KCNQ4: variants seen among roughly 807,000 people sequenced by gnomAD.
KCNQ4 encodes the protein potassium voltage-gated channel subfamily KQT member 4.
Under a neutral mutation model 72.6 loss-of-function variants are expected in KCNQ4, and 31 were observed. The observed-to-expected ratio is 0.43, with a 90% CI of 0.32 to 0.58. The LOEUF (loss-of-function observed/expected upper bound fraction) is 0.58, where lower values mean the gene tolerates loss of function less well. KCNQ4 is among the 20% of genes least tolerant of loss of function. KCNQ4 has a pLI of 0.08. For missense variants in KCNQ4, 869 were observed against 962.6 expected, an observed-to-expected ratio of 0.90 and a Z score of 1.29; for synonymous variants, 405 against 403.7, an observed-to-expected ratio of 1.00 and a Z score of -0.04.
At chr1:40,838,208 C>T in intron 13 of KCNQ4, 103 bp from the exon 14 acceptor site, 1 of 987,502 alleles carries the variant, frequency 1.0e-6, no homozygotes, top group East Asian at 2.5e-5. Context: ...AGATAAGCCC[C>T]GCCCACTCCA....
At chr1:40,820,087 AGGATGG>A in intron 6 of KCNQ4, 72 bp from the exon 7 acceptor site, 1 of 1,526,496 alleles carries the variant, frequency 6.6e-7, no homozygotes. Context: ...CAGAGGGGCA[AGGATGG>A]GGACACCCTT....
chr1:40,790,541 A>T (rs76356035), intron 1 of KCNQ4, among the ~76,000 whole-genome samples: 1 of 151,982 alleles, frequency 6.6e-6, no homozygotes, highest in Non-Finnish European at 1.5e-5. Flanking sequence ...TCTGACTTAC[A>T]TTCTCTCGTG....
chr1:40,832,646 A>T (rs1336789634), intron 10 of KCNQ4, among the ~76,000 whole-genome samples: 1 of 152,232 alleles, frequency 6.6e-6, no homozygotes, highest in Non-Finnish European at 1.5e-5. Context: ...GATTACATGC[A>T]GTGCCATCAA....
At chr1:40,786,683 T>C (rs1051212134) in intron 1 of KCNQ4, among the ~76,000 whole-genome samples, 1 of 152,166 alleles carries the variant, frequency 6.6e-6, no homozygotes, top group African/African-American at 2.4e-5. Context: ...TCTCTGAGCT[T>C]TAGGTCTGTA....
Position 40,818,661 on chromosome 1 carries a change from T to A in KCNQ4, c.689T>A (p.Val230Glu), listed in dbSNP as rs797044965. ...GGCACCTGGAAGCTGCTGGGCTCAG[T>A]GGTCTACGCGCATAGCAAGGTGAGG... The part of the protein sequence containing the change: ...RGGTWKLLGS[V>E]VYAHSKELIT... Residue 230 changes from valine to glutamate, a missense_variant, in exon 4 of 14, where the codon GTG (valine) becomes GAG (glutamate). Physicochemically the swap from Val to Glu is moderately radical, Grantham distance 121. Around this residue, in one of 5 missense-constraint regions of KCNQ4, gnomAD observed 179 missense variants for 243.0 expected, o/e 0.74. Transcript: ENST00000347132. The A allele has an allele frequency of 1.2e-6, 2 of 1,604,554 alleles. No homozygotes were observed. The highest frequency in any genetic ancestry group is 1.7e-6 in the Non-Finnish European group (2 of 1,178,644).
chr1:40,795,307 G>C (rs968587860), intron 1 of KCNQ4, among the ~76,000 whole-genome samples: 2 of 143,898 alleles, frequency 1.4e-5, no homozygotes, highest in Non-Finnish European at 3.0e-5. Flanking sequence ...TTTCACCCAG[G>C]CTGGAAGGCA....
intron 1 of KCNQ4, among the ~76,000 whole-genome samples, chr1:40,803,107 G>A (rs1429438175): frequency 6.6e-6 from 1 of 152,174 alleles, no homozygotes; most frequent in Non-Finnish European, 1.5e-5. Flanking sequence ...GGTTTTGGAG[G>A]TAGAAGGAGG....
intron 1 of KCNQ4, among the ~76,000 whole-genome samples, chr1:40,810,639 C>T (rs1293329310): frequency 1.3e-5 from 2 of 152,018 alleles, no homozygotes; most frequent in African/African-American, 4.8e-5. Context: ...TTGGACATGT[C>T]GAGAGAGAGA....
chr1:40,811,675 T>G (rs1269021586), intron 1 of KCNQ4, among the ~76,000 whole-genome samples: 1 of 152,118 alleles, frequency 6.6e-6, no homozygotes, highest in Non-Finnish European at 1.5e-5. Flanking sequence ...AGAGGAAAGG[T>G]TGGATAAGCC....
rs1377326667 is a variant in KCNQ4, at chr1:40,831,183, C to G, written c.1392C>G (p.Ser464=). The G allele has an allele frequency of 6.2e-7, 1 of 1,611,234 alleles. No homozygotes were observed. Among genetic ancestry groups the G allele is most frequent in the Non-Finnish European group, 8.5e-7 (1 of 1,178,854 alleles). The change falls in exon 10 of 14, where the codon TCC becomes TCG. Residue 464 remains serine, a synonymous_variant. Coordinates refer to ENST00000347132, the MANE Select transcript of KCNQ4 (RefSeq NM_004700.4). ...QHLAPPTMPT[S]PSSEQVGEAT... is the part of the protein sequence containing the mutation. Reference sequence around the variant, plus strand: ...TGGCACCTCCAACAATGCCCACCTCCCCAAGCAGCGAGCAGGTGGGTGAGG... The same window carrying G: ...TGGCACCTCCAACAATGCCCACCTCGCCAAGCAGCGAGCAGGTGGGTGAGG...
At chr1:40,789,194 C>T (rs1233968038) in intron 1 of KCNQ4, among the ~76,000 whole-genome samples, 1 of 152,154 alleles carries the variant, frequency 6.6e-6, no homozygotes, top group Non-Finnish European at 1.5e-5. Context: ...GGCGTTTGCT[C>T]CTCCTGGGGG....
rs190480893 is a variant in KCNQ4, at chr1:40,828,362, C to T, written c.1293-2722C>T. ...ACATTAGATAATTCTTTGTGGATTGCGACTATCACATGCATGGTAGGATGT... is the reference window on the plus strand; with the variant it reads ...ACATTAGATAATTCTTTGTGGATTGTGACTATCACATGCATGGTAGGATGT... On this transcript the variant is annotated intron_variant, in intron 9 of 13. Coordinates refer to ENST00000347132, the MANE Select transcript of KCNQ4 (RefSeq NM_004700.4). 1.5e-3 allele frequency among the ~76,000 whole-genome samples: 234 copies of T among 152,244 alleles called. 2 individuals are homozygous for T. Among genetic ancestry groups the T allele is most frequent in the African/African-American group, 4.9e-3 (205 of 41,532 alleles).
At chr1:40,832,943 A>G (rs1339489874) in intron 10 of KCNQ4, 71 bp from the exon 11 acceptor site, 8 of 1,116,474 alleles carry the variant, frequency 7.2e-6, no homozygotes, top group Admixed American at 3.4e-5. Flanking sequence ...GTGGTTTGGC[A>G]TACAAGGGTC....
In KCNQ4 at chr1:40,835,009, A is replaced by G. The variant is rs767862664; in HGVS notation, c.1656A>G (p.Thr552=). The G allele has an allele frequency of 2.8e-5, 45 of 1,613,966 alleles. No individual in the cohort carries two copies. Among genetic ancestry groups the G allele is most frequent in the Non-Finnish European group, 3.8e-5 (45 of 1,179,954 alleles). The change falls in exon 12 of 14, where the codon ACA becomes ACG. Residue 552 remains threonine, a synonymous_variant. Coordinates refer to ENST00000347132, the MANE Select transcript of KCNQ4 (RefSeq NM_004700.4). ...TGGCCAAAAGGAAATTCAAGGAGAC[A>G]CTGCGACCGTACGACGTGAAGGACG... ...FLVAKRKFKE[T]LRPYDVKDVI...
At chr1:40,796,080 C>T (rs1647400661) in intron 1 of KCNQ4, among the ~76,000 whole-genome samples, 1 of 152,106 alleles carries the variant, frequency 6.6e-6, no homozygotes, top group Non-Finnish European at 1.5e-5. Context: ...CTGGGCTCAG[C>T]TCAGACAACT....
At chr1:40,816,651 T>C (rs1339637487) in intron 1 of KCNQ4, among the ~76,000 whole-genome samples, 1 of 152,226 alleles carries the variant, frequency 6.6e-6, no homozygotes, top group Non-Finnish European at 1.5e-5. Context: ...ATGGCCCAGC[T>C]CCACACTGCC....
chr1:40,837,568 C>T (rs1648839958), intron 12 of KCNQ4, 97 bp from the exon 13 acceptor site: 1 of 1,471,376 alleles, frequency 6.8e-7, no homozygotes, highest in Admixed American at 2.0e-5. Context: ...TTGCCTGTCC[C>T]CTCGTGGTGC....
intron 9 of KCNQ4, among the ~76,000 whole-genome samples, chr1:40,824,665 C>T (rs1454129223): frequency 3.9e-5 from 6 of 152,316 alleles, no homozygotes; most frequent in Non-Finnish European, 8.8e-5. Flanking sequence ...ATCGTGGGCA[C>T]CATCCTGGGG....
chr1:40,827,131 CT>C (rs1194193349), intron 9 of KCNQ4, among the ~76,000 whole-genome samples: 1 of 152,218 alleles, frequency 6.6e-6, no homozygotes, highest in African/African-American at 2.4e-5. Flanking sequence ...GGTTTGGCAC[CT>C]TTGCCAGCTC....
Sources: gnomAD v4.1 joint callset for allele counts (sites outside exome capture counted in the v4.1 genomes callset) on GRCh38, gnomAD v4.1.1 for gene constraint, gnomAD v4.1.1 regional missense constraint, MANE v1.5 for transcripts, NCBI Gene and HGNC (gene_info 2026-07-23, HGNC 2026-07-21) for gene names.